ACSM1: variants seen among roughly 807,000 people sequenced by gnomAD.
ACSM1 encodes acyl-CoA synthetase medium chain family member 1.
Under a neutral mutation model 75.8 loss-of-function variants are expected in ACSM1, and 79 were observed. The observed-to-expected ratio is 1.04, with a 90% CI of 0.87 to 1.26. The LOEUF (loss-of-function observed/expected upper bound fraction) is 1.26. Ranked by LOEUF, ACSM1 falls within the 50% of genes most tolerant of loss-of-function variation. The pLI is 0.00. For synonymous variants in ACSM1, 279 were observed against 265.8 expected, an observed-to-expected ratio of 1.05 and a Z score of -0.48; for missense variants, 676 against 720.1, an observed-to-expected ratio of 0.94 and a Z score of 0.70.
At chr16:20,659,128 G>A (rs2019158855) in intron 7 of ACSM1, among the ~76,000 whole-genome samples, 2 of 152,132 alleles carry the variant, frequency 1.3e-5, no homozygotes, top group African/African-American at 4.8e-5. Context: ...TCTGATCTGG[G>A]ATTTTTTTGT....
At chr16:20,626,471 G>A (rs1422096796) in intron 11 of ACSM1, among the ~76,000 whole-genome samples, 2 of 152,042 alleles carry the variant, frequency 1.3e-5, no homozygotes, top group African/African-American at 4.8e-5. Flanking sequence ...GTAGGGGTAG[G>A]GACAGGGACT....
At chr16:20,626,034 C>T (rs141229348) in intron 11 of ACSM1, among the ~76,000 whole-genome samples, 170 of 152,130 alleles carry the variant, frequency 1.1e-3, no homozygotes, top group African/African-American at 3.9e-3. Flanking sequence ...GTGGTAAGAA[C>T]ATAAAATCTA....
chr16:20,688,912 T>C (rs1311062369), intron 2 of ACSM1, among the ~76,000 whole-genome samples: 1 of 150,552 alleles, frequency 6.6e-6, no homozygotes, highest in Non-Finnish European at 1.5e-5. Context: ...TTGTTATTTG[T>C]TACAGTATTT....
chr16:20,635,579 T>TC (rs1491004464), intron 10 of ACSM1, among the ~76,000 whole-genome samples: 44 of 128,804 alleles, frequency 3.4e-4, no homozygotes, highest in Non-Finnish European at 6.7e-4. Flanking sequence ...TTAATTTTTC[T>TC]TTTTCTTTCT....
chr16:20,679,411 C>T (rs73530574), intron 4 of ACSM1: 1 of 152,196 alleles, frequency 6.6e-6, no homozygotes, highest in Non-Finnish European at 1.5e-5. Context: ...GCTGACTAGT[C>T]TACACACAGC....
chr16:20,641,202 A>AT (rs2018038129), intron 7 of ACSM1, among the ~76,000 whole-genome samples: 1 of 152,186 alleles, frequency 6.6e-6, no homozygotes, highest in African/African-American at 2.4e-5. Flanking sequence ...AAAAAATAAA[A>AT]TATTTTACCC....
intron 6 of ACSM1, among the ~76,000 whole-genome samples, chr16:20,669,441 A>AACACACACACACACACACACAC (rs71149170): frequency 7.1e-6 from 1 of 141,252 alleles, no homozygotes; most frequent in African/African-American, 2.6e-5. Flanking sequence ...TGAGTAAGAA[A>AACACACACACACACACACACAC]ACACACACAC....
intron 10 of ACSM1, among the ~76,000 whole-genome samples, chr16:20,635,623 TC>T (rs1217869371): frequency 1.7e-5 from 2 of 119,056 alleles, no homozygotes; most frequent in Non-Finnish European, 3.7e-5. Flanking sequence ...TTTCTTTCTT[TC>T]TTTCTTTCTT....
At chr16:20,645,277 G>C (rs2018296381) in intron 7 of ACSM1, among the ~76,000 whole-genome samples, 1 of 152,162 alleles carries the variant, frequency 6.6e-6, no homozygotes, top group African/African-American at 2.4e-5. Context: ...AAAGGAAGAA[G>C]TATTAGGACT....
intron 6 of ACSM1, among the ~76,000 whole-genome samples, chr16:20,662,213 T>C (rs1435672414): frequency 2.0e-5 from 3 of 152,184 alleles, no homozygotes; most frequent in Admixed American, 2.0e-4. Flanking sequence ...ATACTCTTTC[T>C]AGTTGTGTGT....
At chr16:20,681,563 A>G (rs534301491) in intron 4 of ACSM1, 19 of 152,298 alleles carry the variant, frequency 1.2e-4, no homozygotes, top group Admixed American at 9.2e-4. Context: ...GATTCAGTCA[A>G]CTATAGAGGC....
At chr16:20,696,173 C>T (rs1438349753) in intron 1 of ACSM1, among the ~76,000 whole-genome samples, 1 of 152,204 alleles carries the variant, frequency 6.6e-6, no homozygotes, top group East Asian at 1.9e-4. Context: ...TGTGTAAGTA[C>T]ACTCTATGAG....
chr16:20,626,601 T>C (rs1276280904), intron 11 of ACSM1, among the ~76,000 whole-genome samples: 1 of 151,776 alleles, frequency 6.6e-6, no homozygotes. Context: ...GGGATAATAA[T>C]CACATCTCCC....
chr16:20,676,510 T>C (rs1004659492), intron 4 of ACSM1, among the ~76,000 whole-genome samples: 3 of 152,182 alleles, frequency 2.0e-5, no homozygotes, highest in Admixed American at 6.5e-5. Flanking sequence ...CAAGGAGATA[T>C]CAGGCACAAA....
chr16:20,696,574 G>T (rs1458539550), intron 1 of ACSM1, among the ~76,000 whole-genome samples: 1 of 152,212 alleles, frequency 6.6e-6, no homozygotes, highest in Non-Finnish European at 1.5e-5. Flanking sequence ...TACTATTGGA[G>T]ATTAATTAAA....
chr16:20,630,072 G>C (rs1339820726), intron 10 of ACSM1, among the ~76,000 whole-genome samples: 3 of 148,356 alleles, frequency 2.0e-5, no homozygotes, highest in South Asian at 4.2e-4. Context: ...GTAACCAAAA[G>C]AGAGCTTGGG....
intron 10 of ACSM1, among the ~76,000 whole-genome samples, chr16:20,632,655 TAAAGA>T (rs1337683424): frequency 1.3e-5 from 2 of 152,130 alleles, no homozygotes; most frequent in Non-Finnish European, 2.9e-5. Context: ...TTTACAAAAT[TAAAGA>T]AAAGGAAAAA....
At chr16:20,691,353 T>G in intron 1 of ACSM1, 114 bp from the exon 2 acceptor site, 1 of 554,042 alleles carries the variant, frequency 1.8e-6, no homozygotes, top group Non-Finnish European at 3.1e-6. Flanking sequence ...TCACCAGAAT[T>G]TGGAAGGCAC....
intron 2 of ACSM1, among the ~76,000 whole-genome samples, chr16:20,690,313 G>C (rs144863896): frequency 6.6e-5 from 10 of 152,252 alleles, no homozygotes; most frequent in Admixed American, 2.6e-4. Context: ...ACCATCCATT[G>C]TCTACCTGAC....
Sources: allele counts gnomAD v4.1 joint callset (sites outside exome capture counted in the v4.1 genomes callset), GRCh38; gene constraint gnomAD v4.1.1; transcripts MANE v1.5; gene names NCBI Gene and HGNC (gene_info 2026-07-23, HGNC 2026-07-21).